Variants in DYNLT3 observed in about 807,000 individuals in gnomAD.
DYNLT3 encodes the protein protein 91/23.
A neutral mutation model predicts 11.0 loss-of-function variants in DYNLT3; 4 were observed. That is an observed-to-expected ratio of 0.36 (90% CI 0.18 to 0.83). The LOEUF (loss-of-function observed/expected upper bound fraction) is 0.83. DYNLT3 is among the 40% of genes least tolerant of loss of function. DYNLT3 has a pLI of 0.47. For synonymous variants in DYNLT3, 37 were observed against 31.2 expected, an observed-to-expected ratio of 1.18 and a Z score of -0.61; for missense variants, 91 against 91.1, an observed-to-expected ratio of 1.00 and a Z score of 0.01.
At chrX:37,842,872 G>C (rs190698657) in intron 2 of DYNLT3, among the ~76,000 whole-genome samples, 1 of 111,748 alleles carries the variant, frequency 8.9e-6, no homozygotes, top group East Asian at 2.8e-4. Context: ...ATAAAGCCTG[G>C]ATAATAAAGC....
chrX:37,847,033 C>T, intron 1 of DYNLT3: 1 of 1,166,546 alleles, frequency 8.6e-7, no homozygotes, highest in Non-Finnish European at 1.1e-6. Flanking sequence ...CTAATCCTGG[C>T]AAGCATTACC....
intron 2 of DYNLT3, 61 bp downstream of exon 2, chrX:37,846,256 T>C: frequency 2.7e-6 from 3 of 1,099,134 alleles, no homozygotes; most frequent in South Asian, 2.0e-5. Flanking sequence ...ACTCAAAATA[T>C]AGCTTTTAAA....
At chrX:37,840,970 G>C in intron 4 of DYNLT3, 58 bp downstream of exon 4, 1 of 1,103,403 alleles carries the variant, frequency 9.1e-7, no homozygotes, top group Non-Finnish European at 1.3e-6. Context: ...TGGTTAAAAA[G>C]TGCAGTTTGA....
Position 37,847,540 on chromosome X carries a change from G to T in DYNLT3, c.-30C>A. 1.0e-6 allele frequency: 1 copy of T among 965,961 alleles called. No homozygotes were observed. Among genetic ancestry groups the T allele is most frequent in the Non-Finnish European group, 1.3e-6 (1 of 767,372 alleles). 79.6% of individuals were successfully genotyped at this position (965,961 alleles called of 1,213,427 possible). On this transcript the variant is annotated 5_prime_UTR_variant, in exon 1 of 5. Transcript: ENST00000378578. ...GCGCCGGCTCTCCCTGGGGCGGAGC[G>T]ACACGCCGGTAGAGCACCGCGGCCG...
chrX:37,840,611 A>G lies in DYNLT3; in HGVS notation c.315T>C (p.Cys105=), dbSNP rs1930123678. 8 of 1,203,248 alleles carry G rather than the reference A, an allele frequency of 6.6e-6. No individual in the cohort carries two copies. The highest frequency in any genetic ancestry group is 9.0e-6 in the Non-Finnish European group (8 of 892,630). Residue 105 remains cysteine, a synonymous_variant, in exon 5 of 5, where the codon TGT becomes TGC. Transcript: ENST00000378578. The stretch of plus-strand genomic sequence containing the variant: ...TAGCAATGGCAAAAACGTTGACAAT[A>G]CAGTTCATGGTCCGGTTCTCCCATC... ...TVRWENRTMN[C]IVNVFAIAIV...
rs1930124461 is a variant in DYNLT3 at position 37,840,663 on chromosome X, A to G, written c.275-12T>C. The G allele has an allele frequency of 8.4e-7, 1 of 1,187,112 alleles. No individual in the cohort carries two copies. The highest frequency in any genetic ancestry group is 2.3e-5 in the Admixed American group (1 of 43,110). ...TACGGTACAGGTTCCTGAAACACAAAAAAAGGATTTTGAAATACCAGCAAA... is the reference window on the plus strand; with the variant it reads ...TACGGTACAGGTTCCTGAAACACAAGAAAAGGATTTTGAAATACCAGCAAA... On this transcript the variant is annotated splice_polypyrimidine_tract_variant and intron_variant, in intron 4 of 4. Coordinates refer to ENST00000378578, the MANE Select transcript of DYNLT3 (RefSeq NM_006520.3).
intron 2 of DYNLT3, among the ~76,000 whole-genome samples, chrX:37,845,612 T>A (rs1044172366): frequency 6.2e-5 from 7 of 112,645 alleles, no homozygotes; most frequent in Non-Finnish European, 1.1e-4. Context: ...AATATACATA[T>A]ATATTATACA....
intron 2 of DYNLT3, among the ~76,000 whole-genome samples, chrX:37,845,755 A>G (rs1930255734): frequency 8.9e-6 from 1 of 112,936 alleles, no homozygotes; most frequent in African/African-American, 3.2e-5. Context: ...CATCAATTTT[A>G]AACCAGTTTT....
At chrX:37,847,128 G>C in intron 1 of DYNLT3, 1 of 1,154,644 alleles carries the variant, frequency 8.7e-7, no homozygotes. Flanking sequence ...GCCAAGGGAC[G>C]GAGGCAGCAG....
chrX:37,847,029 C>G, intron 1 of DYNLT3: 1 of 1,166,599 alleles, frequency 8.6e-7, no homozygotes, highest in African/African-American at 1.8e-5. Flanking sequence ...TTGCCTAATC[C>G]TGGCAAGCAT....
chrX:37,840,745 C>T (rs1178647118), intron 4 of DYNLT3, 94 bp from the exon 5 acceptor site: 97 of 456,344 alleles, frequency 2.1e-4, no homozygotes, highest in Middle Eastern at 1.3e-3. Context: ...CACACACACA[C>T]ACATATACAC....
At chrX:37,847,305 G>A in intron 1 of DYNLT3, 176 bp downstream of exon 1, 5 of 884,905 alleles carry the variant, frequency 5.7e-6, no homozygotes, top group Non-Finnish European at 7.5e-6. Context: ...CAGGACTTTG[G>A]GGTGGGGAGA....
intron 2 of DYNLT3, among the ~76,000 whole-genome samples, chrX:37,844,623 G>A (rs1174934933): frequency 3.6e-5 from 4 of 112,320 alleles, no homozygotes; most frequent in Non-Finnish European, 7.5e-5. Flanking sequence ...CTTCAACGCA[G>A]AGGATTGTTC....
intron 4 of DYNLT3, 124 bp from the exon 5 acceptor site, chrX:37,840,775 CACACACACACACACAT>C: frequency 2.6e-6 from 1 of 381,200 alleles, no homozygotes; most frequent in Middle Eastern, 7.3e-4. Context: ...CACACACACA[CACACACACACACACAT>C]ATATATATAT....
intron 2 of DYNLT3, among the ~76,000 whole-genome samples, chrX:37,845,959 T>C (rs1930259599): frequency 9.0e-6 from 1 of 111,364 alleles, no homozygotes; most frequent in African/African-American, 3.3e-5. Flanking sequence ...TCACCGGAGG[T>C]CAGGAATTCG....
chrX:37,843,969 G>C lies in DYNLT3; in HGVS notation c.73-2064C>G, dbSNP rs528685731. ...TTGGTTCATGGGAAGAGGAAAGATA[G>C]ACATTTAGCTGCAAGTAACCTGTAG... On this transcript the variant is annotated intron_variant, in intron 2 of 4. Transcript: ENST00000378578. Among the ~76,000 whole-genome samples the C allele has an allele frequency of 3.2e-4, 36 of 111,773 alleles. No individual in the cohort carries two copies. The South Asian group carries it at 0.014, about 42-fold the overall frequency.
At chrX:37,841,233 G>C in intron 3 of DYNLT3, 128 bp from the exon 4 acceptor site, 7 of 462,524 alleles carry the variant, frequency 1.5e-5, no homozygotes, top group Non-Finnish European at 1.4e-5. Context: ...ACAAAAAACA[G>C]AAAACAAAGC....
At position 37,841,810 on chromosome X, in the gene DYNLT3, A is replaced by T; in HGVS notation, c.168T>A (p.Val56=). The change falls in exon 3 of 5, where the codon GTT becomes GTA. Residue 56 remains valine (V), a synonymous_variant. Transcript: ENST00000378578. ...SIVEQSLTHL[V]KLGKAYKYIV... ...TATATTTATAGGCTTTTCCCAACTT[A>T]ACCAGGTGTGTTAAGGATTGTTCCA... 8.5e-7 allele frequency: 1 copy of T among 1,175,756 alleles called. No individual in the cohort carries two copies. The highest frequency in any genetic ancestry group is 1.1e-6 in the Non-Finnish European group (1 of 870,379).
At chrX:37,846,258 G>C in intron 2 of DYNLT3, 59 bp downstream of exon 2, 1 of 1,100,624 alleles carries the variant, frequency 9.1e-7, no homozygotes. Context: ...TCAAAATATA[G>C]CTTTTAAAAA....
Sources: allele counts gnomAD v4.1 joint callset (sites outside exome capture counted in the v4.1 genomes callset), GRCh38; gene constraint gnomAD v4.1.1; transcripts MANE v1.5; gene names NCBI Gene and HGNC (gene_info 2026-07-23, HGNC 2026-07-21).